The following RASSF9 variants were observed in gnomAD, a reference collection of about 807,000 sequenced individuals.
RASSF9 encodes Ras association domain family member 9, also known as ras association domain-containing protein 9.
In RASSF9, 18 loss-of-function variants were observed where a neutral mutation model predicts 21.4. That is an observed-to-expected ratio of 0.84 (90% CI 0.58 to 1.25). The LOEUF is 1.25. Among genes scored for constraint, RASSF9 ranks in the 50% most tolerant of loss-of-function variants. The probability of loss-of-function intolerance (pLI) is 0.00; values close to 1 mark genes in which losing one functional copy is unlikely to be tolerated. For missense variants in RASSF9, 480 were observed against 503.2 expected (o/e 0.95, Z 0.44); for synonymous variants, 183 against 179.1 (o/e 1.02, Z -0.18).
chr12:85,809,964 GC>G lies in RASSF9; in HGVS notation c.48-4003del, dbSNP rs113820512. ...TTTTCTTTTTTTCTTTTTTAAATCT[GC>G]CCCGAATGTCCTTCTATTTTCTGCA... On this transcript the variant is annotated intron_variant, in intron 1 of 1. Transcript: ENST00000361228. 4.0e-5 allele frequency among the ~76,000 whole-genome samples: 6 copies of G among 151,760 alleles called. 1 individual carries two copies. Among genetic ancestry groups the G allele is most frequent in the African/African-American group, 1.4e-4 (6 of 41,418 alleles).
At chr12:85,815,234 A>G (rs1464946809) in intron 1 of RASSF9, among the ~76,000 whole-genome samples, 2 of 152,106 alleles carry the variant, frequency 1.3e-5, no homozygotes, top group Non-Finnish European at 2.9e-5. Context: ...ATAGGTCTAA[A>G]TAAGTCAGGG....
intron 1 of RASSF9, among the ~76,000 whole-genome samples, chr12:85,809,207 T>C (rs956919924): frequency 2.0e-5 from 3 of 152,136 alleles, no homozygotes; most frequent in African/African-American, 7.2e-5. Context: ...TCCGCAGTTC[T>C]AACAACTACA....
At chr12:85,821,889 A>G (rs1346358280) in intron 1 of RASSF9, among the ~76,000 whole-genome samples, 2 of 152,182 alleles carry the variant, frequency 1.3e-5, no homozygotes, top group Admixed American at 6.5e-5. Flanking sequence ...AACTAAGCTC[A>G]TAGTTCAGAT....
intron 1 of RASSF9, among the ~76,000 whole-genome samples, 197 bp downstream of exon 1, chr12:85,835,958 T>G (rs550205320): frequency 6.6e-6 from 1 of 152,156 alleles, no homozygotes; most frequent in South Asian, 2.1e-4. Flanking sequence ...TCATCAATAC[T>G]GGGAGAATAT....
intron 1 of RASSF9, among the ~76,000 whole-genome samples, chr12:85,827,867 C>T (rs1157491176): frequency 6.6e-6 from 1 of 152,178 alleles, no homozygotes; most frequent in Non-Finnish European, 1.5e-5. Flanking sequence ...GTCTAATTCA[C>T]ATATTGTTTT....
rs1230431997 is a variant in RASSF9 at position 85,805,747 on chromosome 12, C to A, written c.263G>T (p.Arg88Met). 1 of 1,613,830 alleles carries A rather than the reference C, an allele frequency of 6.2e-7. No individual in the cohort carries two copies. ...GATTCTAGTTAGTGGAGGAAGAACC[C>A]TTTCGGAGCCTCTCCACTTCTCTAT... is the stretch of plus-strand genomic sequence containing the variant. ...CIIEKWRGSE[R>M]VLPPLTRILK... is the part of the protein sequence containing the mutation. Residue 88 changes from arginine (R) to methionine (M), a missense_variant, in exon 2 of 2, where the codon AGG becomes ATG. Arg to Met is a moderately conservative substitution (Grantham distance 91). Transcript: ENST00000361228.
chr12:85,835,855 G>T (rs1240793128), intron 1 of RASSF9, among the ~76,000 whole-genome samples: 2 of 152,074 alleles, frequency 1.3e-5, no homozygotes, highest in Non-Finnish European at 2.9e-5. Context: ...TGTTTATGTT[G>T]CTAGTTGTGG....
chr12:85,805,430 C>G lies in RASSF9; in HGVS notation c.580G>C (p.Asp194His). The part of the protein sequence containing the change: ...ETLVHLIISQ[D>H]HTIHQQVKRM... ...TTGACTTGCTGATGAATAGTATGGTCCTGGGAAATGATCAGATGAACTAAT... is the reference window on the plus strand; with the variant it reads ...TTGACTTGCTGATGAATAGTATGGTGCTGGGAAATGATCAGATGAACTAAT... The change falls in exon 2 of 2, where the codon GAC becomes CAC. Residue 194 changes from aspartate (D) to histidine (H), a missense_variant. By Grantham distance (81) the Asp-to-His change is moderately conservative (BLOSUM62 -1). Coordinates refer to ENST00000361228, the MANE Select transcript of RASSF9 (RefSeq NM_005447.4). 1 of 1,613,878 alleles carries G rather than the reference C, an allele frequency of 6.2e-7. No homozygotes were observed. Among genetic ancestry groups the G allele is most frequent in the Non-Finnish European group, 8.5e-7 (1 of 1,179,864 alleles).
In RASSF9 at chr12:85,804,767, T is replaced by A. The variant is rs191906701; in HGVS notation, c.1243A>T (p.Ile415Phe). 119 of 1,613,932 alleles carry A rather than the reference T, an allele frequency of 7.4e-5. No individual in the cohort carries two copies. The African/African-American group carries it at 1.2e-3, about 17-fold the overall frequency. The change falls in exon 2 of 2, where the codon ATC (isoleucine) becomes TTC (phenylalanine). Residue 415 changes from isoleucine to phenylalanine, a missense_variant. Transcript: ENST00000361228. ...YTNDTDSDTG[I>F]SSNHSQDSET... The stretch of plus-strand genomic sequence containing the variant: ...GAGTCCTGACTGTGGTTAGAACTGA[T>A]ACCAGTGTCCGAGTCTGTGTCATTT...
At chr12:85,828,753 T>C (rs1485947091) in intron 1 of RASSF9, among the ~76,000 whole-genome samples, 1 of 152,164 alleles carries the variant, frequency 6.6e-6, no homozygotes, top group Non-Finnish European at 1.5e-5. Flanking sequence ...AGTTGACTAC[T>C]TTGTGGTCTA....
chr12:85,824,877 T>G (rs1880296152), intron 1 of RASSF9, among the ~76,000 whole-genome samples: 1 of 152,222 alleles, frequency 6.6e-6, no homozygotes, highest in Admixed American at 6.5e-5. Flanking sequence ...CCTGAAACAC[T>G]CTTTGATCCC....
chr12:85,805,996 T>C, intron 1 of RASSF9, 34 bp from the exon 2 acceptor site: 1 of 1,562,592 alleles, frequency 6.4e-7, no homozygotes, highest in South Asian at 1.2e-5. Context: ...TATATTTCTG[T>C]CATTGCCTGT....
chr12:85,818,942 G>A (rs1188321541), intron 1 of RASSF9, among the ~76,000 whole-genome samples: 3 of 124,692 alleles, frequency 2.4e-5, no homozygotes, highest in Non-Finnish European at 3.2e-5. Context: ...CTGGGCGAGA[G>A]AGCGAGACTC....
chr12:85,821,798 A>G (rs1043135543), intron 1 of RASSF9, among the ~76,000 whole-genome samples: 5 of 152,288 alleles, frequency 3.3e-5, no homozygotes, highest in African/African-American at 1.2e-4. Flanking sequence ...CCGGGTAGCT[A>G]TAGAACATAA....
rs1248809527 is a variant in RASSF9 at position 85,816,765 on chromosome 12, AT to A, written c.48-10804del. On this transcript the variant is annotated intron_variant, in intron 1 of 1. Coordinates refer to ENST00000361228, the MANE Select transcript of RASSF9 (RefSeq NM_005447.4). ...AGATTTTAATAACTTTTCCATAAAAATTAAACTTTTTATGAAAAATATAAAT... is the reference window on the plus strand; with the variant it reads ...AGATTTTAATAACTTTTCCATAAAAATAAACTTTTTATGAAAAATATAAAT... 4.6e-5 allele frequency among the ~76,000 whole-genome samples: 7 copies of A among 152,296 alleles called. No homozygotes were observed. The East Asian group carries it at 1.3e-3, about 29-fold the overall frequency.
At chr12:85,812,024 T>TCTTTTG (rs1339367190) in intron 1 of RASSF9, among the ~76,000 whole-genome samples, 6 of 151,724 alleles carry the variant, frequency 4.0e-5, no homozygotes. Context: ...TCAAGAATGG[T>TCTTTTG]TCCTAACAAA....
In RASSF9 at chr12:85,805,269, T is replaced by G; in HGVS notation, c.741A>C (p.Leu247=). 6.2e-7 allele frequency: 1 copy of G among 1,613,534 alleles called. No individual in the cohort carries two copies. The highest frequency in any genetic ancestry group is 1.3e-5 in the African/African-American group (1 of 74,944). ...TCTGGTTTTCCTCATACTGCAAGTC[T>G]AGATTTTGCTCAACTTCACTGAAAC... ...MPSFSEVEQN[L]DLQYEENQTL... The change falls in exon 2 of 2, where the codon CTA becomes CTC. Residue 247 remains leucine, a synonymous_variant. Coordinates refer to ENST00000361228, the MANE Select transcript of RASSF9 (RefSeq NM_005447.4).
intron 1 of RASSF9, among the ~76,000 whole-genome samples, chr12:85,813,144 C>T (rs544402198): frequency 1.3e-5 from 2 of 151,946 alleles, no homozygotes; most frequent in African/African-American, 4.8e-5. Context: ...AGAATATCTT[C>T]ATCATAAATT....
chr12:85,832,021 T>C (rs1201414935), intron 1 of RASSF9, among the ~76,000 whole-genome samples: 2 of 151,948 alleles, frequency 1.3e-5, no homozygotes, highest in Non-Finnish European at 2.9e-5. Flanking sequence ...TGGAGTCTTT[T>C]AATTTTAGGT....
Sources: allele counts gnomAD v4.1 joint callset (sites outside exome capture counted in the v4.1 genomes callset), GRCh38; gene constraint gnomAD v4.1.1; transcripts MANE v1.5; gene names NCBI Gene and HGNC (gene_info 2026-07-23, HGNC 2026-07-21).